Variants in NAV2 observed in about 807,000 individuals in gnomAD.
NAV2 encodes the protein neuron navigator 2.
NAV2 carries 54 observed loss-of-function variants against 223.2 expected under a neutral mutation model. The ratio of observed to expected loss-of-function variants is 0.24; its 90% confidence interval spans 0.19 to 0.30. The LOEUF (loss-of-function observed/expected upper bound fraction) is 0.30, where lower values mean the gene tolerates loss of function less well. NAV2 is among the 10% of genes least tolerant of loss of function. The pLI is 1.00. For missense variants in NAV2, 2,806 were observed against 3,147.5 expected (o/e 0.89, Z 2.60); for synonymous variants, 1,279 against 1,239.3 (o/e 1.03, Z -0.67).
chr11:19,675,401 C>A (rs2048687808), intron 1 of NAV2, among the ~76,000 whole-genome samples: 1 of 152,190 alleles, frequency 6.6e-6, no homozygotes, highest in Admixed American at 6.5e-5. Context: ...AGGACACATA[C>A]ACGCATGCTC....
intron 6 of NAV2, among the ~76,000 whole-genome samples, chr11:19,925,785 T>C (rs2044692291): frequency 6.6e-6 from 1 of 152,154 alleles, no homozygotes; most frequent in Non-Finnish European, 1.5e-5. Context: ...TTAGTTTTCT[T>C]TTCCATGAGA....
intron 10 of NAV2, among the ~76,000 whole-genome samples, chr11:19,962,887 C>T (rs750490886): frequency 5.5e-4 from 83 of 152,230 alleles, no homozygotes; most frequent in Admixed American, 1.1e-3. Flanking sequence ...GTGGTTATCT[C>T]CACTGCATCA....
At chr11:19,978,756 A>C (rs939235574) in intron 10 of NAV2, 1 of 149,984 alleles carries the variant, frequency 6.7e-6, no homozygotes, top group African/African-American at 2.5e-5. Flanking sequence ...CTCCTCACAC[A>C]GTTCTTGACA....
intron 1 of NAV2, among the ~76,000 whole-genome samples, chr11:19,580,321 C>A (rs1275857184): frequency 6.7e-6 from 1 of 150,156 alleles, no homozygotes; most frequent in Non-Finnish European, 1.5e-5. Context: ...TGGGAAGTAT[C>A]ACATTTTTCT....
chr11:19,523,052 C>T (rs899725763), intron 1 of NAV2, among the ~76,000 whole-genome samples: 5 of 152,228 alleles, frequency 3.3e-5, no homozygotes, highest in African/African-American at 1.2e-4. Context: ...AGAATTCATC[C>T]AGAGGAAGCA....
At chr11:19,939,519 T>G (rs575415552) in intron 7 of NAV2, 142 bp from the exon 8 acceptor site, 1 of 603,078 alleles carries the variant, frequency 1.7e-6, no homozygotes, top group African/African-American at 1.9e-5. Flanking sequence ...AATGAATTAT[T>G]TAGCGTCAGT....
At chr11:19,533,949 G>A (rs1032828156) in intron 1 of NAV2, among the ~76,000 whole-genome samples, 5 of 132,114 alleles carry the variant, frequency 3.8e-5, no homozygotes, top group African/African-American at 1.8e-4. Context: ...CTCGTGATCC[G>A]CCCGCCTCGG....
chr11:19,376,095 A>G (rs935020323), intron 1 of NAV2, among the ~76,000 whole-genome samples: 3 of 152,350 alleles, frequency 2.0e-5, no homozygotes, highest in Admixed American at 2.0e-4. Context: ...TAAAAGCCAG[A>G]TATGTCGCAG....
chr11:19,579,125 C>T (rs1298112273), intron 1 of NAV2, among the ~76,000 whole-genome samples: 1 of 152,188 alleles, frequency 6.6e-6, no homozygotes, highest in Non-Finnish European at 1.5e-5. Context: ...CAGTGCCTGA[C>T]TTAATGTTTC....
At chr11:19,834,135 C>T (rs184707263) in intron 2 of NAV2, among the ~76,000 whole-genome samples, 111 of 152,302 alleles carry the variant, frequency 7.3e-4, no homozygotes, top group East Asian at 3.9e-4. Context: ...CATTAGGGGT[C>T]GCTGTAAAGT....
chr11:19,668,450 T>C (rs2048483159), intron 1 of NAV2, among the ~76,000 whole-genome samples: 1 of 138,624 alleles, frequency 7.2e-6, no homozygotes, highest in South Asian at 2.3e-4. Context: ...CGAGAATCTC[T>C]TGAACCTGGG....
At chr11:19,709,370 G>A (rs564581082), upstream of NAV2, among the ~76,000 whole-genome samples, 322 of 151,740 alleles carry the variant, frequency 2.1e-3, 4 homozygotes, top group South Asian at 0.02. Flanking sequence ...GTGGAACCCC[G>A]TCTCTACTAA....
At chr11:20,031,976 A>G (rs1002324469) in intron 11 of NAV2, among the ~76,000 whole-genome samples, 33 of 152,184 alleles carry the variant, frequency 2.2e-4, no homozygotes, top group African/African-American at 7.7e-4. Context: ...TTTCCTCAGA[A>G]TACATCTGCA....
chr11:19,669,360 C>T (rs2048514237), intron 1 of NAV2, among the ~76,000 whole-genome samples: 1 of 152,232 alleles, frequency 6.6e-6, no homozygotes, highest in Admixed American at 6.5e-5. Context: ...TCCTTCTTCA[C>T]TGAGTCACTA....
At chr11:19,818,067 T>A (rs967736318) in intron 1 of NAV2, among the ~76,000 whole-genome samples, 3 of 151,718 alleles carry the variant, frequency 2.0e-5, no homozygotes, top group Non-Finnish European at 4.4e-5. Context: ...ATTCCCTTTT[T>A]TTCATGCAAA....
chr11:19,823,703 G>C (rs1311230323), intron 1 of NAV2, among the ~76,000 whole-genome samples: 1 of 152,100 alleles, frequency 6.6e-6, no homozygotes, highest in Non-Finnish European at 1.5e-5. Context: ...TAGGTCCTAA[G>C]GACACATCCT....
intron 1 of NAV2, among the ~76,000 whole-genome samples, chr11:19,473,621 G>C (rs986215098): frequency 3.9e-5 from 6 of 152,122 alleles, no homozygotes; most frequent in African/African-American, 1.4e-4. Context: ...CCAGTGTCAT[G>C]CATATAGCTG....
rs758409569 is a variant in NAV2, at chr11:19,933,610, T to A, written c.1366T>A (p.Ser456Thr). The A allele has an allele frequency of 6.2e-7, 1 of 1,613,958 alleles. No individual in the cohort carries two copies. The highest frequency in any genetic ancestry group is 2.2e-5 in the East Asian group (1 of 44,862). ...SRMLTTVGPA[S>T]SSPKIALKGI... is the part of the protein sequence containing the mutation. ...CATGCTCACCACCGTGGGCCCTGCT[T>A]CCAGCAGCCCCAAGATTGCACTCAA... The change falls in exon 7 of 38, where the codon TCC becomes ACC. Residue 456 changes from serine to threonine, a missense_variant. By Grantham distance (58) the Ser-to-Thr change is moderately conservative (BLOSUM62 1). Around this residue, in one of 4 missense-constraint regions of NAV2, gnomAD observed 1,167 missense variants for 1,180.5 expected, o/e 0.99. Transcript: ENST00000349880. The surrounding 1 kb of genome is among the most constrained non-coding windows in gnomAD (Gnocchi z 4.3).
At chr11:20,114,273 A>C (rs1992493) in intron 36 of NAV2, 60,116 of 381,908 alleles carry the variant, frequency 0.16, 8,428 homozygotes, top group African/African-American at 0.44. Flanking sequence ...TTTTCCCCAA[A>C]AGCCAGTTTT....
Sources: allele counts gnomAD v4.1 joint callset (sites outside exome capture counted in the v4.1 genomes callset), GRCh38; gene constraint gnomAD v4.1.1; regional missense constraint gnomAD v4.1.1; non-coding constraint Gnocchi (gnomAD v3.1); transcripts MANE v1.5; gene names NCBI Gene and HGNC (gene_info 2026-07-23, HGNC 2026-07-21).